QTGAL: variants seen among roughly 807,000 people sequenced by gnomAD.
QTGAL encodes the protein queuosine-tRNA galactosyltransferase.
the QTGAL span, among the ~76,000 whole-genome samples, chr17:82,969,386 T>C: frequency 6.6e-6 from 1 of 152,208 alleles, no homozygotes; most frequent in Non-Finnish European, 1.5e-5. Context: ...TTTTTGTATT[T>C]TTAGTAGGGA....
At chr17:82,997,930 A>T in the QTGAL span, among the ~76,000 whole-genome samples, 11,518 of 131,464 alleles carry the variant, frequency 0.088, 731 homozygotes, top group African/African-American at 0.2. Context: ...TAAAAAAAAA[A>T]ATATATATAT....
the QTGAL span, among the ~76,000 whole-genome samples, chr17:83,032,740 G>T: frequency 2.0e-5 from 3 of 152,208 alleles, no homozygotes; most frequent in Admixed American, 2.0e-4. Flanking sequence ...TAAGAAAACG[G>T]GAGAAATCTG....
the QTGAL span, among the ~76,000 whole-genome samples, chr17:83,000,205 C>A: frequency 1.3e-5 from 2 of 152,172 alleles, no homozygotes; most frequent in Non-Finnish European, 2.9e-5. Context: ...TCATGATCCA[C>A]CTGCCTTGGC....
the QTGAL span, among the ~76,000 whole-genome samples, chr17:82,973,103 C>T: frequency 1.3e-5 from 2 of 152,202 alleles, no homozygotes; most frequent in Admixed American, 1.3e-4. Flanking sequence ...TTGGGGCCAC[C>T]GCCCACTCAC....
the QTGAL span, among the ~76,000 whole-genome samples, chr17:83,049,406 T>C: frequency 1.3e-5 from 2 of 149,636 alleles, no homozygotes; most frequent in Admixed American, 6.7e-5. Flanking sequence ...TGAAAATAAC[T>C]GGTTGGTTTT....
At chr17:82,947,011 TC>T in the QTGAL span, 3 of 1,548,534 alleles carry the variant, frequency 1.9e-6, no homozygotes, top group South Asian at 2.4e-5. Flanking sequence ...TTCAGCTCAG[TC>T]CGGTCTCCTG....
At chr17:83,018,511 A>C in the QTGAL span, among the ~76,000 whole-genome samples, 1 of 152,220 alleles carries the variant, frequency 6.6e-6, no homozygotes, top group Non-Finnish European at 1.5e-5. Context: ...AGAATAGCTA[A>C]TATTATCTCT....
chr17:82,965,527 T>G, the QTGAL span: 3 of 949,434 alleles, frequency 3.2e-6, no homozygotes, highest in South Asian at 1.5e-5. Context: ...CAGGCAGGGG[T>G]TTCCTAAATC....
chr17:83,032,556 C>CTGAACAACCAGGTCAGA, the QTGAL span, among the ~76,000 whole-genome samples: 18 of 151,284 alleles, frequency 1.2e-4, no homozygotes, highest in African/African-American at 2.9e-4. Context: ...AGCTCAGGGG[C>CTGAACAACCAGGTCAGA]CCAGCACACC....
At chr17:83,006,932 C>T in the QTGAL span, 5 of 626,276 alleles carry the variant, frequency 8.0e-6, no homozygotes, top group South Asian at 7.0e-5. This position sits in a 1 kb window ranked among gnomAD's most constrained non-coding sequence, Gnocchi z 5.8. Context: ...GTGGTTGCGC[C>T]GTCTCTCACC....
At chr17:82,963,576 C>T in the QTGAL span, among the ~76,000 whole-genome samples, 1 of 152,210 alleles carries the variant, frequency 6.6e-6, no homozygotes, top group African/African-American at 2.4e-5. Flanking sequence ...ATTCCACACC[C>T]TCCACCAGTG....
the QTGAL span, among the ~76,000 whole-genome samples, chr17:82,974,120 C>T: frequency 2.6e-5 from 4 of 152,248 alleles, no homozygotes; most frequent in South Asian, 6.2e-4. Flanking sequence ...GGCCTCCCTG[C>T]CTCCAGTCTG....
chr17:83,040,371 T>C, the QTGAL span, among the ~76,000 whole-genome samples: 1 of 152,164 alleles, frequency 6.6e-6, no homozygotes. Context: ...TAGGCAGGCA[T>C]ATTTTTTTCA....
chr17:82,970,519 C>T, the QTGAL span, among the ~76,000 whole-genome samples: 6 of 151,716 alleles, frequency 4.0e-5, no homozygotes, highest in South Asian at 1.0e-3. Flanking sequence ...ACAGGTCCTC[C>T]CCACCCAGCG....
the QTGAL span, among the ~76,000 whole-genome samples, chr17:83,008,723 T>C: frequency 6.6e-6 from 1 of 152,190 alleles, no homozygotes; most frequent in African/African-American, 2.4e-5. Context: ...CGAGGAAGCC[T>C]GAGCAGCTTC....
the QTGAL span, chr17:83,048,562 A>G: frequency 6.2e-7 from 1 of 1,613,870 alleles, no homozygotes; most frequent in African/African-American, 1.3e-5. Context: ...TGATAGCCCC[A>G]GACTTGTCCT....
chr17:82,989,755 T>C, the QTGAL span, among the ~76,000 whole-genome samples: 1 of 151,940 alleles, frequency 6.6e-6, no homozygotes, highest in Admixed American at 6.6e-5. Flanking sequence ...GATGCAAAGG[T>C]GAAACACAAG....
At chr17:83,007,796 G>A in the QTGAL span, among the ~76,000 whole-genome samples, 2 of 152,228 alleles carry the variant, frequency 1.3e-5, no homozygotes, top group Admixed American at 6.5e-5. Context: ...TGAAACTAGA[G>A]GCCCGAGGCT....
At chr17:82,961,213 G>C in the QTGAL span, 3 of 1,595,636 alleles carry the variant, frequency 1.9e-6, no homozygotes, top group African/African-American at 2.7e-5. Flanking sequence ...GGCATCACTG[G>C]GGCCCCAGAA....
Sources: allele counts gnomAD v4.1 joint callset (sites outside exome capture counted in the v4.1 genomes callset), GRCh38; gene constraint gnomAD v4.1.1; non-coding constraint Gnocchi (gnomAD v3.1); transcripts MANE v1.5; gene names NCBI Gene and HGNC (gene_info 2026-07-23, HGNC 2026-07-21).